The following CREM variants were observed in gnomAD, a reference collection of about 807,000 sequenced individuals.
CREM encodes the protein cAMP-responsive element modulator.
In CREM, 13 loss-of-function variants were observed where a neutral mutation model predicts 37.3. The observed-to-expected ratio is 0.35, with a 90% CI of 0.23 to 0.55. The LOEUF (loss-of-function observed/expected upper bound fraction) is 0.55. Among genes scored for constraint, CREM ranks in the 20% least tolerant of loss-of-function variants. CREM has a pLI of 0.88. For synonymous variants in CREM, 124 were observed against 120.2 expected (o/e 1.03, Z -0.21); for missense variants, 296 against 362.3 (o/e 0.82, Z 1.49).
chr10:35,163,767 G>C (rs2093406677), intron 3 of CREM, among the ~76,000 whole-genome samples: 1 of 151,992 alleles, frequency 6.6e-6, no homozygotes, highest in Admixed American at 6.5e-5. Flanking sequence ...GTTGCAGTGA[G>C]CCAAGATCAC....
chr10:35,163,362 C>T (rs2093386235), intron 3 of CREM, among the ~76,000 whole-genome samples: 1 of 152,086 alleles, frequency 6.6e-6, no homozygotes, highest in Non-Finnish European at 1.5e-5. Flanking sequence ...CTCATTTTCT[C>T]ATCTCCAAGG....
At chr10:35,173,148 G>A (rs982665841) in intron 3 of CREM, among the ~76,000 whole-genome samples, 5 of 152,180 alleles carry the variant, frequency 3.3e-5, no homozygotes, top group South Asian at 2.1e-4. Flanking sequence ...AAAATCTTAC[G>A]TGGGTAAGAG....
intron 1 of CREM, among the ~76,000 whole-genome samples, chr10:35,133,417 G>C (rs552443770): frequency 6.6e-6 from 1 of 151,486 alleles, no homozygotes; most frequent in African/African-American, 2.4e-5. Flanking sequence ...TCCTGCCTCA[G>C]CCTCCCAAGT....
intron 6 of CREM, among the ~76,000 whole-genome samples, chr10:35,194,242 A>G (rs1411990656): frequency 1.3e-5 from 2 of 151,456 alleles, no homozygotes; most frequent in African/African-American, 2.4e-5. Flanking sequence ...GTCTAACCTT[A>G]TAATCACTGA....
intron 1 of CREM, among the ~76,000 whole-genome samples, chr10:35,128,565 G>A (rs1408747612): frequency 5.8e-5 from 8 of 138,866 alleles, no homozygotes; most frequent in African/African-American, 1.9e-4. Context: ...TCGCTCTGTC[G>A]CCCAGGCTGG....
chr10:35,199,189 C>T (rs1188250929), intron 6 of CREM, among the ~76,000 whole-genome samples: 1 of 152,174 alleles, frequency 6.6e-6, no homozygotes, highest in Non-Finnish European at 1.5e-5. Context: ...GGTGTGACAG[C>T]TTCTTGAAGT....
chr10:35,183,222 T>C (rs4934538), intron 5 of CREM, among the ~76,000 whole-genome samples: 44,433 of 151,818 alleles, frequency 0.29, 7,036 homozygotes, highest in South Asian at 0.35. Context: ...TTCTTATACA[T>C]GAAAGGTAAG....
rs181919986 is a variant in CREM, at chr10:35,129,024, A to G, written c.-55+1831A>G. On this transcript the variant is annotated intron_variant, in intron 1 of 7. Coordinates refer to ENST00000685392, the MANE Select transcript of CREM (RefSeq NM_183011.2). ...TGATCCCAACACAGCTTTAACAAAT[A>G]TATTAAAATGGTTTTGATCCTGAAT... Among the ~76,000 whole-genome samples, 392 of 152,364 alleles carry G rather than the reference A, an allele frequency of 2.6e-3. 3 individuals are homozygous for G. Among genetic ancestry groups the G allele is most frequent in the African/African-American group, 9.1e-3 (380 of 41,582 alleles).
rs538975250 is a variant in CREM, at chr10:35,150,584, G to C, written c.168+2093G>C. Among the ~76,000 whole-genome samples, 7 of 152,292 alleles carry C rather than the reference G, an allele frequency of 4.6e-5. No individual in the cohort carries two copies. In the East Asian group the frequency reaches 1.4e-3, roughly 29 times the overall value. On this transcript the variant is annotated intron_variant, in intron 3 of 7. Transcript: ENST00000685392. Reference sequence around the variant, plus strand: ...TATCTGTAATCCCAGTACTTTGGGAGGCCAAAGCAGGTGGATCGCTTGAGG... The same window carrying C: ...TATCTGTAATCCCAGTACTTTGGGACGCCAAAGCAGGTGGATCGCTTGAGG...
chr10:35,164,125 T>G (rs919011268), intron 3 of CREM, among the ~76,000 whole-genome samples: 1 of 152,362 alleles, frequency 6.6e-6, no homozygotes, highest in African/African-American at 2.4e-5. Flanking sequence ...TTATGCAGTT[T>G]TAAGTATTAA....
intron 6 of CREM, among the ~76,000 whole-genome samples, chr10:35,202,839 A>G (rs1478111565): frequency 6.6e-6 from 1 of 152,222 alleles, no homozygotes; most frequent in Non-Finnish European, 1.5e-5. Context: ...ACATCTGAAT[A>G]TATCATCCCC....
intron 6 of CREM, among the ~76,000 whole-genome samples, chr10:35,190,752 C>T (rs2094876444): frequency 1.3e-5 from 2 of 152,130 alleles, no homozygotes; most frequent in Admixed American, 1.3e-4. Context: ...AGCTCCACCT[C>T]CCGGGTTCAC....
intron 7 of CREM, among the ~76,000 whole-genome samples, chr10:35,208,073 A>G (rs2095577790): frequency 6.6e-6 from 1 of 152,232 alleles, no homozygotes; most frequent in Admixed American, 6.5e-5. Context: ...TCTGAGAAAA[A>G]TGAAGTGTAA....
intron 1 of CREM, among the ~76,000 whole-genome samples, chr10:35,135,846 A>G (rs748528304): frequency 2.6e-5 from 4 of 152,170 alleles, no homozygotes; most frequent in Non-Finnish European, 5.9e-5. Context: ...AAAGAGGACA[A>G]AGTTTCAAAT....
Position 35,211,719 on chromosome 10 carries a change from T to C in CREM, c.*321T>C. 6.2e-7 allele frequency: 1 copy of C among 1,614,156 alleles called. No individual in the cohort carries two copies. Among genetic ancestry groups the C allele is most frequent in the East Asian group, 2.2e-5 (1 of 44,882 alleles). On this transcript the variant is annotated 3_prime_UTR_variant, in exon 8 of 8. Coordinates refer to ENST00000685392, the MANE Select transcript of CREM (RefSeq NM_183011.2). ...ATGTAAAATGTCTGGAGAGCCGAGT[T>C]GCAGTGCTGGAAGTCCAGAACAAGA...
At chr10:35,211,176 G>T (rs2095658235) in intron 7 of CREM, 78 bp from the exon 8 acceptor site, 9 of 1,512,872 alleles carry the variant, frequency 5.9e-6, no homozygotes, top group Middle Eastern at 2.2e-4. Flanking sequence ...TTGAGTTCGG[G>T]GGGCAGAAGT....
Position 35,211,374 on chromosome 10 carries a change from T to C in CREM, c.876T>C (p.Asp292=), listed in dbSNP as rs139507744. ...TTGAGGAACTCAAGGCCCTCAAAGATCTTTATTGCCATAAAGTAGAGTAAC... is the reference window on the plus strand; with the variant it reads ...TTGAGGAACTCAAGGCCCTCAAAGACCTTTATTGCCATAAAGTAGAGTAAC... ...TLIEELKALK[D]LYCHKVE Residue 292 remains aspartate (D), a synonymous_variant, in exon 8 of 8, where the codon GAT becomes GAC. Coordinates refer to ENST00000685392, the MANE Select transcript of CREM (RefSeq NM_183011.2). 12 of 1,613,864 alleles carry C rather than the reference T, an allele frequency of 7.4e-6. No individual in the cohort carries two copies. In the African/African-American group the frequency reaches 1.5e-4, roughly 20 times the overall value.
At chr10:35,208,262 A>G (rs1008885526) in intron 7 of CREM, among the ~76,000 whole-genome samples, 6 of 152,206 alleles carry the variant, frequency 3.9e-5, no homozygotes, top group Admixed American at 1.3e-4. Flanking sequence ...GATACCTCCT[A>G]TTATAGTCTA....
intron 6 of CREM, among the ~76,000 whole-genome samples, chr10:35,197,542 T>A (rs1472569394): frequency 6.6e-6 from 1 of 152,024 alleles, no homozygotes; most frequent in South Asian, 2.1e-4. Context: ...AAGCTCGGCC[T>A]CCCGGGTTCA....
Sources: gnomAD v4.1 joint callset for allele counts (sites outside exome capture counted in the v4.1 genomes callset) on GRCh38, gnomAD v4.1.1 for gene constraint, MANE v1.5 for transcripts, NCBI Gene and HGNC (gene_info 2026-07-23, HGNC 2026-07-21) for gene names.